The following SLC11A1 variants were observed in gnomAD, a reference collection of about 807,000 sequenced individuals.
SLC11A1 encodes the protein natural resistance-associated macrophage protein 1.
Under a neutral mutation model 63.2 loss-of-function variants are expected in SLC11A1, and 59 were observed. That is an observed-to-expected ratio of 0.93 (90% confidence interval 0.76 to 1.16). The LOEUF is 1.16. Ranked by LOEUF, SLC11A1 falls within the 50% of genes most tolerant of loss-of-function variation. The pLI is 0.00. For synonymous variants in SLC11A1, 305 were observed against 307.8 expected, an observed-to-expected ratio of 0.99 and a Z score of 0.09; for missense variants, 688 against 730.7, an observed-to-expected ratio of 0.94 and a Z score of 0.67.
rs768614385 is a variant in SLC11A1, at chr2:218,387,918, T to C, written c.758T>C (p.Met253Thr). Reference sequence around the variant, plus strand: ...GTGGGCATTGTTGGCGCCATCATCATGCCCCACAACATCTACCTGCACTCG... The same window carrying C: ...GTGGGCATTGTTGGCGCCATCATCACGCCCCACAACATCTACCTGCACTCG... ...QAVGIVGAIIMPHNIYLHSAL... is the reference protein window; with the variant it reads ...QAVGIVGAIITPHNIYLHSAL... The change falls in exon 8 of 15, where the codon ATG (methionine) becomes ACG (threonine). Residue 253 changes from methionine to threonine, a missense_variant. Met to Thr is a moderately conservative substitution (Grantham distance 81). Coordinates refer to ENST00000233202, the MANE Select transcript of SLC11A1 (RefSeq NM_000578.4). 1.9e-6 allele frequency: 3 copies of C among 1,610,744 alleles called. No homozygotes were observed. Among genetic ancestry groups the C allele is most frequent in the Non-Finnish European group, 2.5e-6 (3 of 1,178,828 alleles).
rs1235586834 is a variant in SLC11A1 at position 218,382,960 on chromosome 2, G to A, written c.8G>A (p.Gly3Asp). 25 of 1,613,912 alleles carry A rather than the reference G, an allele frequency of 1.5e-5. No homozygotes were observed. Among genetic ancestry groups the A allele is most frequent in the African/African-American group, 2.7e-5 (2 of 74,872 alleles). MT[G>D]DKGPQRLSGS... ...CACCATGCTTCATGGGCCCCCACAGGTGACAAGGGTCCCCAAAGGCTAAGC... is the reference window on the plus strand; with the variant it reads ...CACCATGCTTCATGGGCCCCCACAGATGACAAGGGTCCCCAAAGGCTAAGC... The change falls in exon 2 of 15, where the codon GGT becomes GAT. Residue 3 changes from glycine (G) to aspartate (D), a missense_variant and splice_region_variant. Gly to Asp is a moderately conservative substitution (Grantham distance 94). Coordinates refer to ENST00000233202, the MANE Select transcript of SLC11A1 (RefSeq NM_000578.4).
chr2:218,394,033 G>T (rs1187321499), intron 12 of SLC11A1, 87 bp from the exon 13 acceptor site: 18 of 1,343,646 alleles, frequency 1.3e-5, no homozygotes, highest in Non-Finnish European at 1.8e-5. Context: ...CCCACACAGA[G>T]GGTGTCAAGC....
intron 4 of SLC11A1, among the ~76,000 whole-genome samples, chr2:218,386,120 T>C (rs1696083787): frequency 6.6e-6 from 1 of 152,204 alleles, no homozygotes; most frequent in South Asian, 2.1e-4. Context: ...CCGGGTTGCC[T>C]GGTGCCACTG....
Position 218,396,474 on chromosome 2 carries a change from C to T in SLC11A1, c.*1439C>T, listed in dbSNP as rs1479649699. On this transcript the variant is annotated 3_prime_UTR_variant, in exon 15 of 15. Coordinates refer to ENST00000233202, the MANE Select transcript of SLC11A1 (RefSeq NM_000578.4). ...TGCACCTGGAAGAACCCCCGATTTC[C>T]TGGGGACCCAGCAGGGCAGGCGGCC... 1 of 152,458 alleles carries T rather than the reference C, an allele frequency of 6.6e-6. No homozygotes were observed. The highest frequency in any genetic ancestry group is 2.4e-5 in the African/African-American group (1 of 41,484). 9.4% of individuals were successfully genotyped at this position (152,458 alleles called of 1,614,324 possible).
Position 218,393,052 on chromosome 2 carries a change from C to G in SLC11A1, c.1236C>G (p.Thr412=), listed in dbSNP as rs765250211. Residue 412 remains threonine, a synonymous_variant, in exon 12 of 15, where the codon ACC becomes ACG. Coordinates refer to ENST00000233202, the MANE Select transcript of SLC11A1 (RefSeq NM_000578.4). ...CCCGCTCCTGCGCCATCCTGCCCAC[C>G]GTGCTCGTGGCTGTCTTCCGGGACC... ...LLTRSCAILP[T]VLVAVFRDLR... 3.8e-6 allele frequency: 6 copies of G among 1,599,948 alleles called. No individual in the cohort carries two copies. Among genetic ancestry groups the G allele is most frequent in the Admixed American group, 1.7e-5 (1 of 58,874 alleles).
intron 14 of SLC11A1, 39 bp from the exon 15 acceptor site, chr2:218,394,885 GT>G (rs778532346): frequency 2.7e-5 from 44 of 1,606,174 alleles, no homozygotes; most frequent in Non-Finnish European, 3.7e-5. Context: ...TTCCCCAGAG[GT>G]CTTGGCATCT....
chr2:218,395,809 G>A lies in SLC11A1; in HGVS notation c.*774G>A, dbSNP rs1214100561. On this transcript the variant is annotated 3_prime_UTR_variant, in exon 15 of 15. Coordinates refer to ENST00000233202, the MANE Select transcript of SLC11A1 (RefSeq NM_000578.4). ...TCTCGTCCAAAGGAGCAGGGAATGGGAACCGGGAAGGCACGAAGTCTCTAA... is the reference window on the plus strand; with the variant it reads ...TCTCGTCCAAAGGAGCAGGGAATGGAAACCGGGAAGGCACGAAGTCTCTAA... 1.3e-5 allele frequency: 2 copies of A among 152,386 alleles called. No homozygotes were observed. The highest frequency in any genetic ancestry group is 2.9e-5 in the Non-Finnish European group (2 of 68,068). The allele number at this position is 152,386 out of a possible 1,614,324, so 9.4% of individuals were successfully genotyped here. A position where few individuals can be genotyped will look rare whatever the true frequency, so the allele number is the denominator to read the frequency against.
At chr2:218,387,521 A>AT in intron 6 of SLC11A1, 44 bp from the exon 7 acceptor site, 4 of 1,604,780 alleles carry the variant, frequency 2.5e-6, no homozygotes, top group Non-Finnish European at 3.4e-6. Context: ...GATGTCACAG[A>AT]TTTTTTTCGT....
Position 218,391,408 on chromosome 2 carries a change from G to A in SLC11A1, c.1077G>A (p.Ala359=), listed in dbSNP as rs769974458. ...TCCTGGGCTGCCTGTTCGGCCCCGC[G>A]GCCCTCTACATCTGGGCCATAGGTC... ...GVILGCLFGP[A]ALYIWAIGLL... The change falls in exon 11 of 15, where the codon GCG becomes GCA. Residue 359 remains alanine (A), a synonymous_variant. Coordinates refer to ENST00000233202, the MANE Select transcript of SLC11A1 (RefSeq NM_000578.4). 14 of 1,613,982 alleles carry A rather than the reference G, an allele frequency of 8.7e-6. No homozygotes were observed. The highest frequency in any genetic ancestry group is 1.1e-5 in the Non-Finnish European group (13 of 1,179,934).
Position 218,394,704 on chromosome 2 carries a change from T to C in SLC11A1, c.1461T>C (p.Tyr487=). 6.2e-7 allele frequency: 1 copy of C among 1,614,086 alleles called. No individual in the cohort carries two copies. The highest frequency in any genetic ancestry group is 8.5e-7 in the Non-Finnish European group (1 of 1,180,024). Residue 487 remains tyrosine, a synonymous_variant, in exon 14 of 15, where the codon TAT becomes TAC. Transcript: ENST00000233202. ...CAINLYFVVS[Y]LPSLPHPAYF... is the part of the protein sequence containing the mutation. ...TCAACCTCTACTTCGTGGTCAGCTA[T>C]CTGCCCAGCCTGCCCCACCCTGCCT...
At chr2:218,394,058 C>A in intron 12 of SLC11A1, 62 bp from the exon 13 acceptor site, 1 of 1,573,072 alleles carries the variant, frequency 6.4e-7, no homozygotes, top group Non-Finnish European at 8.7e-7. Context: ...CCCATCTTGC[C>A]CCCACCCTTG....
At chr2:218,387,264 G>A in intron 6 of SLC11A1, 34 bp downstream of exon 6, 1 of 1,574,316 alleles carries the variant, frequency 6.4e-7, no homozygotes, top group Non-Finnish European at 8.7e-7. Context: ...GGGGAGTGGT[G>A]GTGGTGAGGG....
At position 218,384,383 on chromosome 2, in the gene SLC11A1, T is replaced by C. The variant is rs1008509506; in HGVS notation, c.273+18T>C. ...GATTCAAAGTAACTAAGTCGGGACC[T>C]GAGTGGGGACACTTTCGAGAGGGAG... On this transcript the variant is annotated intron_variant, in intron 3 of 14. Coordinates refer to ENST00000233202, the MANE Select transcript of SLC11A1 (RefSeq NM_000578.4). The surrounding 1 kb of genome is among the most constrained non-coding windows in gnomAD (Gnocchi z 4.0). 8 of 1,588,454 alleles carry C rather than the reference T, an allele frequency of 5.0e-6. No individual in the cohort carries two copies. The highest frequency in any genetic ancestry group is 6.9e-6 in the Non-Finnish European group (8 of 1,161,878).
intron 3 of SLC11A1, 98 bp from the exon 4 acceptor site, chr2:218,385,049 C>G (rs545398113): frequency 2.6e-6 from 4 of 1,531,438 alleles, no homozygotes; most frequent in Admixed American, 3.8e-5. Flanking sequence ...TCTCCCACCC[C>G]CTCCCCGAGG....
chr2:218,383,175 G>T, intron 2 of SLC11A1, 73 bp downstream of exon 2: 1 of 1,536,332 alleles, frequency 6.5e-7, no homozygotes, highest in East Asian at 2.3e-5. Flanking sequence ...GCTGGAGAAT[G>T]GGGTCTCCTT....
At chr2:218,383,215 TCTGAGCAG>T in intron 2 of SLC11A1, 113 bp downstream of exon 2, 1 of 1,257,004 alleles carries the variant, frequency 8.0e-7, no homozygotes, top group Non-Finnish European at 1.1e-6. Flanking sequence ...CCCTTCCAGG[TCTGAGCAG>T]CAGTGGTGGA....
rs764592563 is a variant in SLC11A1 at position 218,391,491 on chromosome 2, T to G, written c.1160T>G (p.Met387Arg). The G allele has an allele frequency of 1.2e-5, 19 of 1,591,988 alleles. No homozygotes were observed. Among genetic ancestry groups the G allele is most frequent in the Non-Finnish European group, 1.6e-5 (19 of 1,169,500 alleles). The change falls in exon 11 of 15, where the codon ATG (methionine) becomes AGG (arginine). Residue 387 changes from methionine (M) to arginine (R), a missense_variant. Physicochemically the swap from Met to Arg is moderately conservative, Grantham distance 91 (BLOSUM62 -1). Coordinates refer to ENST00000233202, the MANE Select transcript of SLC11A1 (RefSeq NM_000578.4). ...MTGTYAGQFV[M>R]EGFLRLRWSR... ...GGCACCTACGCGGGACAGTTCGTGA[T>G]GGAGGTAGGGCAGGGGGCGGGCCCA... is the stretch of plus-strand genomic sequence containing the variant.
In SLC11A1 at chr2:218,382,302, G is replaced by A. The variant is rs573012221; in HGVS notation, c.-67G>A. The A allele has an allele frequency of 6.3e-7, 1 of 1,588,818 alleles. No individual in the cohort carries two copies. Among genetic ancestry groups the A allele is most frequent in the African/African-American group, 1.3e-5 (1 of 74,574 alleles). On this transcript the variant is annotated 5_prime_UTR_variant, in exon 1 of 15. Transcript: ENST00000233202. ...TTACTTGCACCAGTGCCCAGAGAGG[G>A]GGTGCAGGCTGAGGAGCTGCCCAGA...
chr2:218,394,996 G>C lies in SLC11A1; in HGVS notation c.1614G>C (p.Gly538=), dbSNP rs770583534. 3.1e-6 allele frequency: 5 copies of C among 1,612,060 alleles called. No individual in the cohort carries two copies. In the Admixed American group the frequency reaches 8.4e-5, roughly 27 times the overall value. The change falls in exon 15 of 15, where the codon GGG becomes GGC. Residue 538 remains glycine (G), a synonymous_variant. Coordinates refer to ENST00000233202, the MANE Select transcript of SLC11A1 (RefSeq NM_000578.4). ...GCTCCCACCACCACTTCCTGTATGG[G>C]CTCCTTGAAGAGGACCAGAAAGGGG... ...AHSSHHHFLY[G]LLEEDQKGET... is the part of the protein sequence containing the mutation.
Sources: gnomAD v4.1 joint callset for allele counts (sites outside exome capture counted in the v4.1 genomes callset) on GRCh38, gnomAD v4.1.1 for gene constraint, Gnocchi (gnomAD v3.1) non-coding constraint, MANE v1.5 for transcripts, NCBI Gene and HGNC (gene_info 2026-07-23, HGNC 2026-07-21) for gene names.